Variants in CLVS1 observed in about 807,000 individuals in gnomAD.
CLVS1 encodes the protein clavesin-1.
CLVS1 carries 10 observed loss-of-function variants against 33.1 expected under a neutral mutation model. That is an observed-to-expected ratio of 0.30 (90% CI 0.19 to 0.51). The LOEUF is 0.51. Among genes scored for constraint, CLVS1 ranks in the 20% least tolerant of loss-of-function variants. The probability of loss-of-function intolerance (pLI) is 0.97; values close to 1 mark genes in which losing one functional copy is unlikely to be tolerated. For synonymous variants in CLVS1, 163 were observed against 166.1 expected, an observed-to-expected ratio of 0.98 and a Z score of 0.14; for missense variants, 343 against 433.4, an observed-to-expected ratio of 0.79 and a Z score of 1.85.
At chr8:61,434,226 G>A (rs943597368) in intron 3 of CLVS1, among the ~76,000 whole-genome samples, 7 of 152,120 alleles carry the variant, frequency 4.6e-5, no homozygotes, top group Non-Finnish European at 1.0e-4. Context: ...AGTGCAGGAA[G>A]GTAAAGAAAC....
At chr8:61,184,162 C>A (rs921791153) in intron 2 of CLVS1, among the ~76,000 whole-genome samples, 5 of 152,146 alleles carry the variant, frequency 3.3e-5, no homozygotes, top group Admixed American at 2.0e-4. Flanking sequence ...ACTTGAGAAA[C>A]TTGGTAGTTT....
chr8:61,167,000 T>G (rs1016646532), intron 2 of CLVS1, among the ~76,000 whole-genome samples: 4 of 151,028 alleles, frequency 2.6e-5, no homozygotes, highest in African/African-American at 9.7e-5. Context: ...TTATTTTAAT[T>G]TAATCAATAA....
intron 2 of CLVS1, among the ~76,000 whole-genome samples, chr8:61,210,586 T>C (rs923208699): frequency 1.3e-5 from 2 of 152,228 alleles, no homozygotes; most frequent in Non-Finnish European, 2.9e-5. Flanking sequence ...GTCATGGGCC[T>C]GAGTGCTACA....
the CLVS1 span, among the ~76,000 whole-genome samples, chr8:60,970,028 T>TTAATA: frequency 6.6e-6 from 1 of 152,218 alleles, no homozygotes; most frequent in Non-Finnish European, 1.5e-5. Flanking sequence ...CCCCGATACG[T>TTAATA]CAAGGAGCAA....
chr8:60,986,669 A>T, the CLVS1 span, among the ~76,000 whole-genome samples: 1 of 152,264 alleles, frequency 6.6e-6, no homozygotes, highest in Admixed American at 6.5e-5. Flanking sequence ...TTTGTTGTTA[A>T]CATGGTAAAC....
chr8:61,423,949 T>A, intron 3 of CLVS1, among the ~76,000 whole-genome samples: 1 of 152,216 alleles, frequency 6.6e-6, no homozygotes, highest in East Asian at 1.9e-4. Context: ...TGCCGAGACA[T>A]GGAAACATAT....
At chr8:61,305,159 A>T (rs1001654872) in intron 2 of CLVS1, among the ~76,000 whole-genome samples, 1 of 152,172 alleles carries the variant, frequency 6.6e-6, no homozygotes, top group African/African-American at 2.4e-5. Flanking sequence ...AAAAAAATCA[A>T]ATCAGGCAAA....
intron 2 of CLVS1, among the ~76,000 whole-genome samples, chr8:61,372,182 CA>C (rs201238575): frequency 4.6e-5 from 7 of 151,516 alleles, no homozygotes; most frequent in African/African-American, 1.7e-4. Flanking sequence ...TAAAATAAAT[CA>C]AAAAAAATTT....
intron 2 of CLVS1, among the ~76,000 whole-genome samples, chr8:61,179,390 G>T (rs1159573585): frequency 6.6e-6 from 1 of 152,080 alleles, no homozygotes; most frequent in East Asian, 1.9e-4. Flanking sequence ...CACCATAATA[G>T]TGGGAGACTT....
intron 2 of CLVS1, among the ~76,000 whole-genome samples, chr8:61,340,199 T>A (rs1369282386): frequency 6.6e-6 from 1 of 152,254 alleles, no homozygotes; most frequent in Admixed American, 6.5e-5. Flanking sequence ...GTAGTTTTTA[T>A]GGTGAGAACT....
At chr8:61,167,119 G>A (rs1806885263) in intron 2 of CLVS1, among the ~76,000 whole-genome samples, 1 of 151,226 alleles carries the variant, frequency 6.6e-6, no homozygotes, top group South Asian at 2.1e-4. Flanking sequence ...TGGTTCCCCT[G>A]AGTCTTGTTC....
At chr8:61,275,495 A>T (rs1162731518) in intron 2 of CLVS1, among the ~76,000 whole-genome samples, 1 of 152,238 alleles carries the variant, frequency 6.6e-6, no homozygotes, top group South Asian at 2.1e-4. Context: ...TGGAGAGATT[A>T]AAGTCAGAAC....
chr8:61,491,075 T>C (rs963978925), intron 5 of CLVS1, among the ~76,000 whole-genome samples: 1 of 152,234 alleles, frequency 6.6e-6, no homozygotes, highest in Non-Finnish European at 1.5e-5. Flanking sequence ...TTTTGAGACT[T>C]TCTAGGCTTT....
intron 2 of CLVS1, among the ~76,000 whole-genome samples, chr8:61,154,785 G>A (rs1206744876): frequency 2.0e-5 from 3 of 152,188 alleles, no homozygotes; most frequent in African/African-American, 7.2e-5. Context: ...TAACTTAACT[G>A]TGGAGTTCAT....
intron 2 of CLVS1, among the ~76,000 whole-genome samples, chr8:61,279,216 C>A (rs1166947518): frequency 6.6e-6 from 1 of 152,192 alleles, no homozygotes; most frequent in Admixed American, 6.5e-5. Flanking sequence ...ATGACAAGCA[C>A]CTACTCAGAG....
chr8:61,324,547 C>A (rs1245722977), intron 2 of CLVS1, among the ~76,000 whole-genome samples: 1 of 151,744 alleles, frequency 6.6e-6, no homozygotes, highest in Admixed American at 6.6e-5. Context: ...TAAAAAGATA[C>A]CAAAAAATGT....
Position 61,196,941 on chromosome 8 carries a change from C to T in CLVS1, c.-152+65081C>T, listed in dbSNP as rs138971641. Among the ~76,000 whole-genome samples, 799 of 152,288 alleles carry T rather than the reference C, an allele frequency of 5.2e-3. 9 individuals carry two copies. Among genetic ancestry groups the T allele is most frequent in the African/African-American group, 0.018 (760 of 41,560 alleles). ...CTTTTAAAAATCACTTGCCCTCTCC[C>T]GGGCTCTATCTCTTTTCCATGTGCT... On this transcript the variant is annotated intron_variant, in intron 2 of 2. Coordinates refer to the CLVS1 transcript ENST00000522621.
At chr8:61,044,080 G>T in the CLVS1 span, among the ~76,000 whole-genome samples, 1 of 152,182 alleles carries the variant, frequency 6.6e-6, no homozygotes, top group African/African-American at 2.4e-5. Context: ...CTACTTTGGA[G>T]TTGGACCTGA....
intron 2 of CLVS1, among the ~76,000 whole-genome samples, chr8:61,305,160 A>G (rs980193279): frequency 2.6e-5 from 4 of 152,256 alleles, no homozygotes; most frequent in East Asian, 3.9e-4. Context: ...AAAAAATCAA[A>G]TCAGGCAAAT....
Sources: gnomAD v4.1 joint callset for allele counts (sites outside exome capture counted in the v4.1 genomes callset) on GRCh38, gnomAD v4.1.1 for gene constraint, MANE v1.5 for transcripts, NCBI Gene and HGNC (gene_info 2026-07-23, HGNC 2026-07-21) for gene names.